ZFPM1: variants seen among roughly 807,000 people sequenced by gnomAD.
The protein encoded by ZFPM1 is zinc finger protein, FOG family member 1, also known as zinc finger protein ZFPM1.
A neutral mutation model predicts 46.3 loss-of-function variants in ZFPM1; 28 were observed. The observed-to-expected ratio is 0.60, with a 90% CI of 0.45 to 0.83. The LOEUF (loss-of-function observed/expected upper bound fraction) is 0.83. ZFPM1 is among the 40% of genes least tolerant of loss of function. The pLI is 0.00. For synonymous variants in ZFPM1, 957 were observed against 675.9 expected, an observed-to-expected ratio of 1.42 and a Z score of -6.45; for missense variants, 1,878 against 1,432.4, an observed-to-expected ratio of 1.31 and a Z score of -5.02.
chr16:88,465,911 G>A (rs1908115037), intron 1 of ZFPM1, among the ~76,000 whole-genome samples: 1 of 152,214 alleles, frequency 6.6e-6, no homozygotes, highest in Non-Finnish European at 1.5e-5. Flanking sequence ...CATAGGGGTG[G>A]AGGAGGGACA....
chr16:88,494,777 G>T (rs1460598656), intron 3 of ZFPM1, among the ~76,000 whole-genome samples: 1 of 152,142 alleles, frequency 6.6e-6, no homozygotes, highest in Admixed American at 6.5e-5. Context: ...GCCGGCAGGA[G>T]GAGAGAAGGG....
intron 3 of ZFPM1, among the ~76,000 whole-genome samples, chr16:88,491,186 C>T (rs1394162234): frequency 6.6e-6 from 1 of 152,208 alleles, no homozygotes; most frequent in Non-Finnish European, 1.5e-5. Flanking sequence ...TGCAGGGCAG[C>T]ACTGTGGGGT....
intron 1 of ZFPM1, among the ~76,000 whole-genome samples, chr16:88,474,254 G>T (rs35598617): frequency 0.044 from 6,669 of 152,290 alleles, 195 homozygotes; most frequent in Non-Finnish European, 0.071. Context: ...GGACACGGGT[G>T]GGGGACCAGC....
chr16:88,514,543 C>G, intron 4 of ZFPM1, 23 bp downstream of exon 4: 1 of 1,538,276 alleles, frequency 6.5e-7, no homozygotes. Flanking sequence ...CATCCCCGCC[C>G]CTGCCCGCCC....
intron 5 of ZFPM1, 64 bp downstream of exon 5, chr16:88,526,980 T>G: frequency 6.6e-7 from 1 of 1,509,938 alleles, no homozygotes; most frequent in South Asian, 1.3e-5. Context: ...TGGCTCCCCC[T>G]GGGCTGAGCC....
chr16:88,506,390 G>A (rs1567543550), intron 3 of ZFPM1, among the ~76,000 whole-genome samples: 1 of 152,038 alleles, frequency 6.6e-6, no homozygotes, highest in East Asian at 1.9e-4. Flanking sequence ...GGGGCCTTAG[G>A]CAGGCCCCTC....
chr16:88,521,031 G>C (rs1175860130), intron 4 of ZFPM1, among the ~76,000 whole-genome samples: 1 of 120,688 alleles, frequency 8.3e-6, no homozygotes, highest in Non-Finnish European at 1.7e-5. Context: ...TAGGTGGGTA[G>C]ATGATGGACA....
chr16:88,480,569 A>C lies in ZFPM1; in HGVS notation c.41-5370A>C, dbSNP rs866948718. Among the ~76,000 whole-genome samples, 5 of 152,180 alleles carry C rather than the reference A, an allele frequency of 3.3e-5. No individual in the cohort carries two copies. Among genetic ancestry groups the C allele is most frequent in the Admixed American group, 2.0e-4 (3 of 15,290 alleles). On this transcript the variant is annotated intron_variant, in intron 1 of 9. Transcript: ENST00000319555. This position sits in a 1 kb window ranked among gnomAD's most constrained non-coding sequence, Gnocchi z 4.9. ...TCCTCCCCTCTAGACCAAGAATGAG[A>C]GAACTCCCAAGAGAGGCCAGCATAG...
intron 2 of ZFPM1, among the ~76,000 whole-genome samples, chr16:88,487,751 G>C (rs1473583883): frequency 2.0e-5 from 3 of 152,184 alleles, no homozygotes; most frequent in African/African-American, 7.2e-5. Flanking sequence ...GCTGCGCCTG[G>C]GCCCCTTTTT....
chr16:88,518,204 C>G (rs1034226004), intron 4 of ZFPM1, among the ~76,000 whole-genome samples: 1 of 116,420 alleles, frequency 8.6e-6, no homozygotes, highest in Non-Finnish European at 1.8e-5. Context: ...GACTCCGTCT[C>G]AAAAAAAAAA....
At chr16:88,524,716 C>CA (rs1017682983) in intron 4 of ZFPM1, among the ~76,000 whole-genome samples, 20 of 152,364 alleles carry the variant, frequency 1.3e-4, no homozygotes, top group African/African-American at 4.6e-4. Context: ...GAAACTGAGT[C>CA]AAAGGAGATA....
At chr16:88,511,197 C>A (rs910072314) in intron 3 of ZFPM1, among the ~76,000 whole-genome samples, 7 of 152,144 alleles carry the variant, frequency 4.6e-5, no homozygotes, top group African/African-American at 1.7e-4. Context: ...GGGTGTCTGG[C>A]CACTGCCTGT....
In ZFPM1 at chr16:88,533,365, G is replaced by A. The variant is rs756055968; in HGVS notation, c.1407G>A (p.Glu469=). 2.8e-4 allele frequency: 431 copies of A among 1,530,120 alleles called. 1 individual carries two copies. The Middle Eastern group carries it at 5.5e-3, about 19-fold the overall frequency. 94.8% of individuals were successfully genotyped at this position (1,530,120 alleles called of 1,614,324 possible). ...PRSIKVEAVE[E]PEAAPILGPG... ...GCATCAAGGTGGAGGCGGTGGAGGAGCCGGAGGCGGCCCCCATCCTGGGCC... is the reference window on the plus strand; with the variant it reads ...GCATCAAGGTGGAGGCGGTGGAGGAACCGGAGGCGGCCCCCATCCTGGGCC... Residue 469 remains glutamate (E), a synonymous_variant, in exon 10 of 10, where the codon GAG becomes GAA. Coordinates refer to ENST00000319555, the MANE Select transcript of ZFPM1 (RefSeq NM_153813.3).
In ZFPM1 at chr16:88,480,356, A is replaced by G. The variant is rs1294723044; in HGVS notation, c.41-5583A>G. 6.6e-6 allele frequency among the ~76,000 whole-genome samples: 1 copy of G among 152,196 alleles called. No individual in the cohort carries two copies. Among genetic ancestry groups the G allele is most frequent in the African/African-American group, 2.4e-5 (1 of 41,444 alleles). On this transcript the variant is annotated intron_variant, in intron 1 of 9. Coordinates refer to ENST00000319555, the MANE Select transcript of ZFPM1 (RefSeq NM_153813.3). This position sits in a 1 kb window ranked among gnomAD's most constrained non-coding sequence, Gnocchi z 4.9. ...CACGCCAAGGGCTCAGGAAGGGGAA[A>G]GGAGCCAGCGAAAGCGAAGGAGGAA...
chr16:88,496,282 C>T (rs1456748312), intron 3 of ZFPM1, among the ~76,000 whole-genome samples: 2 of 152,040 alleles, frequency 1.3e-5, no homozygotes, highest in Admixed American at 1.3e-4. Context: ...TGGCTTTATC[C>T]TGAGAGCACA....
intron 6 of ZFPM1, among the ~76,000 whole-genome samples, chr16:88,529,779 G>T (rs951401887): frequency 6.6e-6 from 1 of 152,232 alleles, no homozygotes; most frequent in Non-Finnish European, 1.5e-5. Context: ...GACCCTGACC[G>T]AGGCCGCTCC....
chr16:88,470,225 G>A (rs1411214878), intron 1 of ZFPM1, among the ~76,000 whole-genome samples: 2 of 152,208 alleles, frequency 1.3e-5, no homozygotes, highest in African/African-American at 2.4e-5. Context: ...CACTCCTGCG[G>A]GGTCCTTGCT....
At chr16:88,490,458 T>C (rs1232510749) in intron 3 of ZFPM1, among the ~76,000 whole-genome samples, 1 of 152,140 alleles carries the variant, frequency 6.6e-6, no homozygotes, top group Non-Finnish European at 1.5e-5. Flanking sequence ...GCCCCGTCTG[T>C]GGAGAGAAGA....
In ZFPM1 at chr16:88,471,733, C is replaced by G. The variant is rs1038582518; in HGVS notation, c.41-14206C>G. 6.6e-6 allele frequency among the ~76,000 whole-genome samples: 1 copy of G among 152,240 alleles called. No homozygotes were observed. Among genetic ancestry groups the G allele is most frequent in the Non-Finnish European group, 1.5e-5 (1 of 68,044 alleles). On this transcript the variant is annotated intron_variant, in intron 1 of 9. Coordinates refer to ENST00000319555, the MANE Select transcript of ZFPM1 (RefSeq NM_153813.3). The surrounding 1 kb of genome is among the most constrained non-coding windows in gnomAD (Gnocchi z 4.1). ...AAGCCACATGGCCTGGGCATGAATT[C>G]CTGCCCACCACTTACTCACACTGGG...
Sources: gnomAD v4.1 joint callset for allele counts (sites outside exome capture counted in the v4.1 genomes callset) on GRCh38, gnomAD v4.1.1 for gene constraint, Gnocchi (gnomAD v3.1) non-coding constraint, MANE v1.5 for transcripts, NCBI Gene and HGNC (gene_info 2026-07-23, HGNC 2026-07-21) for gene names.